Variants in FOXP1 observed in about 807,000 individuals in gnomAD.
The protein encoded by FOXP1 is forkhead box protein P1.
In FOXP1, 15 loss-of-function variants were observed where a neutral mutation model predicts 98.2. That is an observed-to-expected ratio of 0.15 (90% confidence interval 0.10 to 0.24). The LOEUF is 0.24. Ranked by LOEUF, FOXP1 falls within the 10% of genes least tolerant of loss-of-function variation. The pLI is 1.00. For missense variants in FOXP1, 633 were observed against 848.5 expected, an observed-to-expected ratio of 0.75 and a Z score of 3.15; for synonymous variants, 371 against 314.5, an observed-to-expected ratio of 1.18 and a Z score of -1.90.
At chr3:71,482,797 T>A (rs934276529) in intron 3 of FOXP1, among the ~76,000 whole-genome samples, 1 of 152,022 alleles carries the variant, frequency 6.6e-6, no homozygotes, top group Non-Finnish European at 1.5e-5. Flanking sequence ...CACATTTTAA[T>A]AACACTGGTT....
chr3:71,134,472 G>A (rs1217732280), intron 6 of FOXP1, among the ~76,000 whole-genome samples: 1 of 152,186 alleles, frequency 6.6e-6, no homozygotes, highest in African/African-American at 2.4e-5. Flanking sequence ...TAGGTAGGTA[G>A]ATAGACAGAT....
At chr3:71,272,585 C>T (rs2070474790) in intron 5 of FOXP1, among the ~76,000 whole-genome samples, 1 of 151,088 alleles carries the variant, frequency 6.6e-6, no homozygotes. Flanking sequence ...GGTCTTCTCA[C>T]ACAGGTCTCT....
At chr3:71,166,541 T>C (rs1160695481) in intron 6 of FOXP1, among the ~76,000 whole-genome samples, 1 of 152,220 alleles carries the variant, frequency 6.6e-6, no homozygotes, top group African/African-American at 2.4e-5. Flanking sequence ...TTCTTGTTTA[T>C]TTTAATAGGA....
intron 6 of FOXP1, among the ~76,000 whole-genome samples, chr3:71,188,620 G>T (rs2062790326): frequency 6.6e-6 from 1 of 152,090 alleles, no homozygotes; most frequent in Non-Finnish European, 1.5e-5. Context: ...GTTTCGCCAT[G>T]TTGGCTAGGC....
intron 7 of FOXP1, among the ~76,000 whole-genome samples, chr3:71,102,288 T>C (rs951545413): frequency 6.6e-6 from 1 of 152,160 alleles, no homozygotes; most frequent in Non-Finnish European, 1.5e-5. Flanking sequence ...ATATACACAG[T>C]ACACATAATA....
At chr3:71,561,375 A>T (rs1404109727) in intron 2 of FOXP1, among the ~76,000 whole-genome samples, 1 of 134,524 alleles carries the variant, frequency 7.4e-6, no homozygotes, top group Non-Finnish European at 1.5e-5. Context: ...TGGTGAGTTT[A>T]TGTATATGAA....
At chr3:71,424,059 G>A (rs569972472) in intron 3 of FOXP1, among the ~76,000 whole-genome samples, 22 of 152,208 alleles carry the variant, frequency 1.4e-4, no homozygotes, top group South Asian at 4.1e-4. Context: ...CTCCCAAGTC[G>A]CTGGATTATA....
intron 5 of FOXP1, among the ~76,000 whole-genome samples, chr3:71,270,070 G>T (rs779188384): frequency 7.0e-4 from 107 of 152,292 alleles, no homozygotes; most frequent in Non-Finnish European, 1.4e-3. Context: ...AGCCAGCAAA[G>T]TACATTACAG....
chr3:71,112,331 C>A (rs2058012142), intron 7 of FOXP1, among the ~76,000 whole-genome samples: 1 of 152,206 alleles, frequency 6.6e-6, no homozygotes, highest in Non-Finnish European at 1.5e-5. Flanking sequence ...ATTCACTAAT[C>A]AGCAGATCTT....
chr3:71,558,999 T>C (rs932102739), intron 2 of FOXP1, among the ~76,000 whole-genome samples: 2 of 151,596 alleles, frequency 1.3e-5, no homozygotes, highest in Non-Finnish European at 2.9e-5. Flanking sequence ...AGAGACGGGG[T>C]TTCACCGTGT....
chr3:71,352,571 G>A (rs1174237043), intron 4 of FOXP1, among the ~76,000 whole-genome samples: 1 of 151,524 alleles, frequency 6.6e-6, no homozygotes, highest in African/African-American at 2.4e-5. Flanking sequence ...CTCTGGGTGA[G>A]TCATTTAACT....
intron 3 of FOXP1, among the ~76,000 whole-genome samples, chr3:71,482,236 G>A (rs2090330524): frequency 6.6e-6 from 1 of 151,956 alleles, no homozygotes; most frequent in African/African-American, 2.4e-5. Flanking sequence ...AATCTTTATA[G>A]TTTTCCTTAA....
intron 7 of FOXP1, among the ~76,000 whole-genome samples, chr3:71,085,735 C>CTTTTTTTTTTTTTTTTTTTTTTTTT (rs56318177): frequency 0.19 from 7,178 of 36,968 alleles, 3,319 homozygotes; most frequent in Middle Eastern, 0.42. Context: ...CATTTATGGC[C>CTTTTTTTTTTTTTTTTTTTTTTTTT]TTTTTTTTTT....
intron 17 of FOXP1, 42 bp from the exon 18 acceptor site, chr3:70,972,718 AG>A: frequency 6.2e-7 from 1 of 1,607,094 alleles, no homozygotes; most frequent in Non-Finnish European, 8.5e-7. Context: ...ATTTTCTATA[AG>A]AAAAGACTCC....
chr3:71,534,320 C>T (rs561668878), intron 2 of FOXP1, among the ~76,000 whole-genome samples: 14 of 152,210 alleles, frequency 9.2e-5, no homozygotes, highest in African/African-American at 2.6e-4. Context: ...GTGGAGATCA[C>T]GCCATTGCAC....
At chr3:71,154,095 TC>T (rs1217395851) in intron 6 of FOXP1, among the ~76,000 whole-genome samples, 9 of 108,694 alleles carry the variant, frequency 8.3e-5, no homozygotes, top group East Asian at 1.0e-3. Context: ...TTCTTCTTCT[TC>T]TTTTTTTTTG....
At chr3:71,269,017 T>C (rs1263360018) in intron 5 of FOXP1, among the ~76,000 whole-genome samples, 1 of 151,850 alleles carries the variant, frequency 6.6e-6, no homozygotes, top group Non-Finnish European at 1.5e-5. Flanking sequence ...CGTAGACAGA[T>C]AGAAACTTCA....
intron 3 of FOXP1, among the ~76,000 whole-genome samples, chr3:71,446,036 GGTGAGTGAGTGAGTGAGTGAGTGA>G (rs34045911): frequency 1.3e-4 from 19 of 149,176 alleles, no homozygotes; most frequent in Non-Finnish European, 2.7e-4. Context: ...ACAACTCATA[GGTGAGTGAGTGAGTGAGTGAGTGA>G]GTGAGTGAGT....
At position 70,978,379 on chromosome 3, in the gene FOXP1, C is replaced by T. The variant is rs1027620151; in HGVS notation, c.1147-350G>A. 3.9e-5 allele frequency among the ~76,000 whole-genome samples: 6 copies of T among 152,206 alleles called. No individual in the cohort carries two copies. Among genetic ancestry groups the T allele is most frequent in the South Asian group, 4.1e-4 (2 of 4,830 alleles). On this transcript the variant is annotated intron_variant, in intron 14 of 20. Coordinates refer to ENST00000649528, the MANE Select transcript of FOXP1 (RefSeq NM_001349338.3). ...TGATCGCCCATCAGGCCTTGTCAAC[C>T]TCAAAGAGGGAGAGAAGTCCTTAGC...
Sources: allele counts gnomAD v4.1 joint callset (sites outside exome capture counted in the v4.1 genomes callset), GRCh38; gene constraint gnomAD v4.1.1; transcripts MANE v1.5; gene names NCBI Gene and HGNC (gene_info 2026-07-23, HGNC 2026-07-21).